Variants in TENM2 observed in about 807,000 individuals in gnomAD.
TENM2 encodes the protein teneurin transmembrane protein 2.
Under a neutral mutation model 245.2 loss-of-function variants are expected in TENM2, and 52 were observed. That is an observed-to-expected ratio of 0.21 (90% confidence interval 0.17 to 0.27). The LOEUF (loss-of-function observed/expected upper bound fraction) is 0.27. Ranked by LOEUF, TENM2 falls within the 10% of genes least tolerant of loss-of-function variation. The pLI is 1.00. For missense variants in TENM2, 3,046 were observed against 3,666.8 expected (o/e 0.83, Z 4.37); for synonymous variants, 1,363 against 1,438.9 (o/e 0.95, Z 1.19).
chr5:167,707,659 A>G (rs1758623705), intron 2 of TENM2, among the ~76,000 whole-genome samples: 2 of 152,350 alleles, frequency 1.3e-5, no homozygotes, highest in South Asian at 4.1e-4. Context: ...TGTACATAGT[A>G]TAATTCTAGA....
the TENM2 span, among the ~76,000 whole-genome samples, chr5:167,046,885 G>T: frequency 6.6e-6 from 1 of 150,858 alleles, no homozygotes; most frequent in South Asian, 2.1e-4. Context: ...GCCCTGGTGT[G>T]TGATGTTCCC....
chr5:168,126,455 C>T (rs1475203293), intron 11 of TENM2, among the ~76,000 whole-genome samples: 1 of 152,328 alleles, frequency 6.6e-6, no homozygotes, highest in Middle Eastern at 3.4e-3. Context: ...CTCTGAGTCC[C>T]ATTCCCAGAT....
chr5:167,315,602 T>G (rs1341721878), intron 1 of TENM2, among the ~76,000 whole-genome samples: 1 of 152,028 alleles, frequency 6.6e-6, no homozygotes, highest in Admixed American at 6.6e-5. Context: ...TGTTATAGAG[T>G]CAATAACAGG....
chr5:167,562,374 A>G (rs368358366), intron 2 of TENM2, among the ~76,000 whole-genome samples: 4 of 152,236 alleles, frequency 2.6e-5, no homozygotes, highest in East Asian at 1.9e-4. Context: ...GGACCCAGAT[A>G]ATAAATAATT....
chr5:167,202,836 C>T, the TENM2 span, among the ~76,000 whole-genome samples: 1 of 152,184 alleles, frequency 6.6e-6, no homozygotes, highest in Non-Finnish European at 1.5e-5. Context: ...TCCCTCTTCC[C>T]TGTGTCCTTG....
chr5:168,218,725 G>A lies in TENM2; in HGVS notation c.4834G>A (p.Glu1612Lys). 6.2e-7 allele frequency: 1 copy of A among 1,614,028 alleles called. No homozygotes were observed. ...ATACACTGTGAGCCTGGTGACAGGG[G>A]AGTACTTGTACAATTTCACATATAG... is the stretch of plus-strand genomic sequence containing the variant. The change falls in exon 23 of 29, where the codon GAG becomes AAG. Residue 1612 changes from glutamate (E) to lysine (K), a missense_variant. Glu to Lys is a moderately conservative substitution (Grantham distance 56, BLOSUM62 1). This residue lies in a region of TENM2 where 2,704 missense variants were observed against 3,331.9 expected (regional missense o/e 0.81). Transcript: ENST00000518659. The surrounding 1 kb of genome is among the most constrained non-coding windows in gnomAD (Gnocchi z 5.2).
intron 2 of TENM2, among the ~76,000 whole-genome samples, chr5:167,452,462 G>A (rs1475767410): frequency 5.3e-5 from 8 of 152,276 alleles, no homozygotes; most frequent in East Asian, 1.9e-4. Flanking sequence ...TTCCCAGGGC[G>A]ACAGCCAGTT....
intron 2 of TENM2, among the ~76,000 whole-genome samples, chr5:167,514,648 A>C (rs951732278): frequency 1.3e-5 from 2 of 152,218 alleles, no homozygotes; most frequent in Admixed American, 6.5e-5. Flanking sequence ...GAAGAGGTGT[A>C]GGGCCTGAAT....
intron 2 of TENM2, among the ~76,000 whole-genome samples, chr5:167,616,413 A>G (rs527401153): frequency 8.5e-5 from 13 of 152,232 alleles, no homozygotes; most frequent in African/African-American, 1.4e-4. Flanking sequence ...AATCCTCTTC[A>G]TTGTCTTAAT....
At chr5:167,929,113 GAAAGAAAGAAA>G (rs1778066046) in intron 3 of TENM2, among the ~76,000 whole-genome samples, 8 of 71,944 alleles carry the variant, frequency 1.1e-4, no homozygotes, top group Admixed American at 3.4e-4. Flanking sequence ...AAGAAAGAAA[GAAAGAAAGAAA>G]GAAAGAAAAG....
chr5:167,371,700 C>T (rs1251158458), intron 1 of TENM2, among the ~76,000 whole-genome samples: 1 of 152,014 alleles, frequency 6.6e-6, no homozygotes, highest in Non-Finnish European at 1.5e-5. Flanking sequence ...GTATGGATTG[C>T]ACTTTGTTTA....
At chr5:167,908,657 T>G in intron 3 of TENM2, among the ~76,000 whole-genome samples, 1 of 136,182 alleles carries the variant, frequency 7.3e-6, no homozygotes, top group Non-Finnish European at 1.6e-5. Flanking sequence ...TTCCCCTCTT[T>G]GCTTTTCTTC....
At chr5:167,757,304 A>G (rs976056780) in intron 2 of TENM2, among the ~76,000 whole-genome samples, 3 of 145,108 alleles carry the variant, frequency 2.1e-5, no homozygotes, top group African/African-American at 7.7e-5. Flanking sequence ...ATATGTTCTC[A>G]TTGTTCAACT....
At chr5:166,997,754 A>G in the TENM2 span, among the ~76,000 whole-genome samples, 1 of 152,188 alleles carries the variant, frequency 6.6e-6, no homozygotes, top group Non-Finnish European at 1.5e-5. Context: ...AATTGTAGGC[A>G]TCAGATCATC....
intron 2 of TENM2, among the ~76,000 whole-genome samples, chr5:167,411,573 A>AGT (rs60856762): frequency 0.038 from 5,439 of 145,008 alleles, 192 homozygotes; most frequent in African/African-American, 0.091. Flanking sequence ...TGTAGGTGAG[A>AGT]GTGTGTGTGT....
At chr5:168,142,200 C>G (rs1048903846) in intron 12 of TENM2, among the ~76,000 whole-genome samples, 5 of 152,208 alleles carry the variant, frequency 3.3e-5, no homozygotes, top group African/African-American at 1.2e-4. Context: ...AGGTGCTGAT[C>G]ATTAGGGAGT....
chr5:167,943,633 A>C (rs1377465126), intron 3 of TENM2, among the ~76,000 whole-genome samples: 4 of 152,190 alleles, frequency 2.6e-5, no homozygotes, highest in Non-Finnish European at 5.9e-5. Flanking sequence ...GAGGAGTTTA[A>C]ATTTTTGATG....
chr5:167,685,559 A>C (rs1178719864), intron 2 of TENM2, among the ~76,000 whole-genome samples: 1 of 152,134 alleles, frequency 6.6e-6, no homozygotes, highest in Non-Finnish European at 1.5e-5. Context: ...GTTCATTGAT[A>C]TATCAGTAGT....
intron 4 of TENM2, among the ~76,000 whole-genome samples, chr5:167,973,226 T>A (rs957987834): frequency 2.0e-5 from 3 of 152,224 alleles, no homozygotes; most frequent in Admixed American, 6.5e-5. Flanking sequence ...CAGCCTTTTT[T>A]GTGAAATAAG....
Sources: allele counts gnomAD v4.1 joint callset (sites outside exome capture counted in the v4.1 genomes callset), GRCh38; gene constraint gnomAD v4.1.1; regional missense constraint gnomAD v4.1.1; non-coding constraint Gnocchi (gnomAD v3.1); transcripts MANE v1.5; gene names NCBI Gene and HGNC (gene_info 2026-07-23, HGNC 2026-07-21).